The following ARL10 variants were observed in gnomAD, a reference collection of about 807,000 sequenced individuals.
The protein encoded by ARL10 is ADP-ribosylation factor-like protein 10.
ARL10 carries 23 observed loss-of-function variants against 26.1 expected under a neutral mutation model. The ratio of observed to expected loss-of-function variants is 0.88; its 90% CI spans 0.63 to 1.25. ARL10 has a LOEUF of 1.25. Ranked by LOEUF, ARL10 falls within the 50% of genes most tolerant of loss-of-function variation. ARL10 has a pLI of 0.00. For synonymous variants in ARL10, 138 were observed against 149.1 expected, an observed-to-expected ratio of 0.93 and a Z score of 0.54; for missense variants, 300 against 323.6, an observed-to-expected ratio of 0.93 and a Z score of 0.56.
chr5:176,387,005 T>A, intron 1 of ARL10: 1 of 1,056,536 alleles, frequency 9.5e-7, no homozygotes, highest in African/African-American at 1.6e-5. Context: ...CCCATAAGAA[T>A]CCCTGCCCAC....
intron 3 of ARL10, among the ~76,000 whole-genome samples, chr5:176,371,181 C>G (rs924974497): frequency 6.6e-6 from 1 of 152,072 alleles, no homozygotes; most frequent in East Asian, 1.9e-4. Context: ...TCGAGACCAG[C>G]CTGGCCAGCA....
At chr5:176,365,808 G>T in intron 1 of ARL10, 62 bp downstream of exon 1, 1 of 1,230,272 alleles carries the variant, frequency 8.1e-7, no homozygotes, top group South Asian at 4.1e-5. Flanking sequence ...CCGCGCATGT[G>T]GCCAAGGGGT....
At chr5:176,367,593 C>T (rs1449195604) in intron 2 of ARL10, among the ~76,000 whole-genome samples, 1 of 152,216 alleles carries the variant, frequency 6.6e-6, no homozygotes, top group African/African-American at 2.4e-5. Context: ...CAGCCAGCCT[C>T]ACAGCCATCT....
chr5:176,413,922 G>A, the ARL10 span, among the ~76,000 whole-genome samples: 17,604 of 152,190 alleles, frequency 0.12, 1,175 homozygotes, highest in East Asian at 0.25. Context: ...TGGAAGAAGC[G>A]AGCGTGTCAT....
intron 1 of ARL10, 47 bp downstream of exon 1, chr5:176,365,793 C>T: frequency 8.1e-7 from 1 of 1,231,140 alleles, no homozygotes; most frequent in Non-Finnish European, 1.0e-6. Context: ...GGCTGGGCTG[C>T]GACTCCGCGC....
Position 176,368,850 on chromosome 5 carries a change from G to A in ARL10, c.429G>A (p.Val143=), listed in dbSNP as rs1768425724. 1 of 1,613,986 alleles carries A rather than the reference G, an allele frequency of 6.2e-7. No homozygotes were observed. The highest frequency in any genetic ancestry group is 1.3e-5 in the African/African-American group (1 of 74,940). Reference sequence around the variant, plus strand: ...TGCGCTTCTACTGGAAGGAGTTTGTGAGCGAGGTGGATGTGCTGGTGTTTG... The same window carrying A: ...TGCGCTTCTACTGGAAGGAGTTTGTAAGCGAGGTGGATGTGCTGGTGTTTG... ...QNLRFYWKEF[V]SEVDVLVFVV... Residue 143 remains valine, a synonymous_variant, in exon 3 of 4, where the codon GTG becomes GTA. Coordinates refer to ENST00000310389, the MANE Select transcript of ARL10 (RefSeq NM_173664.6). The surrounding 1 kb of genome is among the most constrained non-coding windows in gnomAD (Gnocchi z 4.1).
Position 176,380,943 on chromosome 5 carries a change from T to C in ARL10, c.*9048T>C, listed in dbSNP as rs553134290. 3 of 152,016 alleles carry C rather than the reference T, an allele frequency of 2.0e-5. No individual in the cohort carries two copies. The highest frequency in any genetic ancestry group is 1.3e-4 in the Admixed American group (2 of 15,200). 9.4% of individuals were successfully genotyped at this position (152,016 alleles called of 1,614,324 possible). On this transcript the variant is annotated 3_prime_UTR_variant, in exon 4 of 4. Transcript: ENST00000310389. ...ACCACACGCCCAACTAACTTCTGTA[T>C]TTTTTGTAGAGATGGGGTTTTGCCA...
downstream of ARL10, chr5:176,385,958 T>A (rs531307157): frequency 6.6e-6 from 1 of 152,600 alleles, no homozygotes; most frequent in African/African-American, 2.4e-5. Context: ...TCGAATCATA[T>A]CCAGAGGTTA....
chr5:176,384,899 C>G, downstream of ARL10: 1 of 532,794 alleles, frequency 1.9e-6, no homozygotes, highest in Non-Finnish European at 3.3e-6. Flanking sequence ...CCGGATCTTT[C>G]AACTGTTAAA....
chr5:176,410,553 T>C, the ARL10 span, among the ~76,000 whole-genome samples: 1 of 152,192 alleles, frequency 6.6e-6, no homozygotes, highest in African/African-American at 2.4e-5. Flanking sequence ...TGTCAACCCA[T>C]TTTACAGATA....
At chr5:176,398,996 C>A (rs923083962) in intron 1 of ARL10, among the ~76,000 whole-genome samples, 1 of 151,888 alleles carries the variant, frequency 6.6e-6, no homozygotes, top group Non-Finnish European at 1.5e-5. Flanking sequence ...GCACACGTCA[C>A]GACACCCGGC....
At chr5:176,405,911 G>A (rs992788397), downstream of ARL10, 1 of 152,188 alleles carries the variant, frequency 6.6e-6, no homozygotes, top group African/African-American at 2.4e-5. Flanking sequence ...TAGAGGGCGT[G>A]TGCGTATGAG....
chr5:176,406,208 G>T, downstream of ARL10: 1 of 1,001,244 alleles, frequency 1.0e-6, no homozygotes, highest in Non-Finnish European at 1.2e-6. Flanking sequence ...TGGCAACCAG[G>T]AGAGATCACC....
intron 1 of ARL10, among the ~76,000 whole-genome samples, chr5:176,395,900 C>T (rs532072912): frequency 5.3e-5 from 8 of 152,226 alleles, no homozygotes; most frequent in African/African-American, 9.6e-5. Flanking sequence ...TTTGGGAGGC[C>T]GAGGTGGGTG....
At chr5:176,385,022 G>C (rs556311921), downstream of ARL10, 8 of 591,294 alleles carry the variant, frequency 1.4e-5, no homozygotes, top group Admixed American at 2.9e-5. Context: ...AGTGAGACTG[G>C]AACCAAGGTC....
chr5:176,389,991 T>C (rs1410145847), downstream of ARL10, among the ~76,000 whole-genome samples: 1 of 151,988 alleles, frequency 6.6e-6, no homozygotes, highest in African/African-American at 2.4e-5. Context: ...AAGACCAGCC[T>C]GACCAACATG....
downstream of ARL10, among the ~76,000 whole-genome samples, chr5:176,404,294 C>A (rs915446058): frequency 6.6e-6 from 1 of 152,214 alleles, no homozygotes; most frequent in African/African-American, 2.4e-5. Flanking sequence ...GGTCTCATGG[C>A]CCGCCTTCCT....
chr5:176,390,815 G>A (rs1158315000), downstream of ARL10, among the ~76,000 whole-genome samples: 5 of 152,140 alleles, frequency 3.3e-5, no homozygotes, highest in Non-Finnish European at 7.3e-5. Flanking sequence ...GGTACAGTGG[G>A]AAGAACACAG....
chr5:176,405,608 G>A (rs1459030160), downstream of ARL10: 1 of 152,010 alleles, frequency 6.6e-6, no homozygotes, highest in African/African-American at 2.4e-5. Context: ...TAGCAGGTGT[G>A]TGGCCATAAA....
Sources: gnomAD v4.1 joint callset for allele counts (sites outside exome capture counted in the v4.1 genomes callset) on GRCh38, gnomAD v4.1.1 for gene constraint, Gnocchi (gnomAD v3.1) non-coding constraint, MANE v1.5 for transcripts, NCBI Gene and HGNC (gene_info 2026-07-23, HGNC 2026-07-21) for gene names.